SYNE2: variants seen among roughly 807,000 people sequenced by gnomAD.
The protein encoded by SYNE2 is spectrin repeat containing nuclear envelope protein 2, also known as nesprin-2.
A neutral mutation model predicts 856.3 loss-of-function variants in SYNE2; 431 were observed. That is an observed-to-expected ratio of 0.50 (90% CI 0.47 to 0.55). The LOEUF (loss-of-function observed/expected upper bound fraction) is 0.55, where lower values mean the gene tolerates loss of function less well. Ranked by LOEUF, SYNE2 falls within the 20% of genes least tolerant of loss-of-function variation. The probability of loss-of-function intolerance (pLI) is 0.00; values close to 1 mark genes in which losing one functional copy is unlikely to be tolerated. For missense variants in SYNE2, 8,129 were observed against 8,023.2 expected, an observed-to-expected ratio of 1.01 and a Z score of -0.50; for synonymous variants, 2,923 against 2,872.3, an observed-to-expected ratio of 1.02 and a Z score of -0.56.
chr14:64,082,943 G>A (rs1036907554), intron 57 of SYNE2, among the ~76,000 whole-genome samples: 1 of 152,088 alleles, frequency 6.6e-6, no homozygotes. Flanking sequence ...AACATCTTCC[G>A]GATGCTGAGT....
chr14:64,137,954 G>C lies in SYNE2; in HGVS notation c.14814G>C (p.Arg4938Ser), dbSNP rs142312037. The part of the protein sequence containing the change: ...LNKKIDHELH[R>S]LQALLKHLLS... The stretch of plus-strand genomic sequence containing the variant: ...AGAAAATTGACCATGAGCTCCACAG[G>C]CTGCAAGCTCTTCTCAAGCATCTGC... The change falls in exon 79 of 116, where the codon AGG becomes AGC. Residue 4938 changes from arginine (R) to serine (S), a missense_variant. Physicochemically the swap from Arg to Ser is moderately radical, Grantham distance 110. Coordinates refer to ENST00000555002, the MANE Select transcript of SYNE2 (RefSeq NM_182914.3). 1.2e-6 allele frequency: 2 copies of C among 1,614,038 alleles called. No individual in the cohort carries two copies. The highest frequency in any genetic ancestry group is 2.7e-5 in the African/African-American group (2 of 75,042).
intron 11 of SYNE2, among the ~76,000 whole-genome samples, chr14:63,973,460 C>T (rs969023964): frequency 6.6e-6 from 1 of 150,724 alleles, no homozygotes; most frequent in Admixed American, 6.6e-5. Flanking sequence ...GGTGAAACCT[C>T]GTCTCTACTA....
chr14:63,959,912 T>TA, intron 8 of SYNE2, among the ~76,000 whole-genome samples: 1 of 152,162 alleles, frequency 6.6e-6, no homozygotes, highest in Non-Finnish European at 1.5e-5. Flanking sequence ...GACACTATAG[T>TA]AAAAACAAAT....
At chr14:64,068,915 C>G (rs2097380002) in intron 51 of SYNE2, among the ~76,000 whole-genome samples, 1 of 150,812 alleles carries the variant, frequency 6.6e-6, no homozygotes, top group African/African-American at 2.4e-5. Flanking sequence ...ATTCCCCCTT[C>G]TCAATCACTT....
chr14:64,099,008 T>G, intron 63 of SYNE2, 187 bp downstream of exon 63: 1 of 621,540 alleles, frequency 1.6e-6, no homozygotes, highest in Non-Finnish European at 2.9e-6. Context: ...CTTCACTGTG[T>G]AAGAGTGAGA....
At position 63,954,845 on chromosome 14, in the gene SYNE2, A is replaced by T. The variant is rs746684931; in HGVS notation, c.717A>T (p.Lys239Asn). ...DMKSVKHRSN[K>N]DNLREAFRIA... ...AGAGTGTGAAGCATAGATCCAACAA[A>T]GACAATCTGAGAGAGGCCTTCAGAA... Residue 239 changes from lysine to asparagine, a missense_variant, in exon 8 of 116, where the codon AAA becomes AAT. Physicochemically the swap from Lys to Asn is moderately conservative, Grantham distance 94. Coordinates refer to ENST00000555002, the MANE Select transcript of SYNE2 (RefSeq NM_182914.3). 6.2e-7 allele frequency: 1 copy of T among 1,614,066 alleles called. No individual in the cohort carries two copies. The highest frequency in any genetic ancestry group is 1.1e-5 in the South Asian group (1 of 91,086).
chr14:63,824,468 A>G (rs1221780301), intron 1 of SYNE2, among the ~76,000 whole-genome samples: 1 of 151,918 alleles, frequency 6.6e-6, no homozygotes, highest in Non-Finnish European at 1.5e-5. Flanking sequence ...GCAAAACCCT[A>G]TCTCTATTAA....
chr14:64,130,925 G>A (rs2098013038), intron 76 of SYNE2, among the ~76,000 whole-genome samples: 1 of 150,352 alleles, frequency 6.7e-6, no homozygotes, highest in Non-Finnish European at 1.5e-5. Context: ...CTGAGAACTA[G>A]AATCAAAAGG....
intron 98 of SYNE2, chr14:64,189,000 G>A: frequency 1.4e-6 from 1 of 702,322 alleles, no homozygotes; most frequent in South Asian, 1.5e-5. Flanking sequence ...CATGTCAGCT[G>A]ATACCCCAAG....
chr14:64,139,358 T>C (rs898101179), intron 79 of SYNE2, among the ~76,000 whole-genome samples: 2 of 142,726 alleles, frequency 1.4e-5, no homozygotes. Context: ...GGGTATACTT[T>C]TGTGTAGCTG....
Position 64,090,888 on chromosome 14 carries a change from C to T in SYNE2, c.11816C>T (p.Pro3939Leu). 2.5e-6 allele frequency: 4 copies of T among 1,613,992 alleles called. No individual in the cohort carries two copies. Among genetic ancestry groups the T allele is most frequent in the African/African-American group, 1.3e-5 (1 of 75,006 alleles). ...AAGGTCATACTTGAAAATATACGTCCCATGAAGAAAACCATTGCTGAGATA... is the reference window on the plus strand; with the variant it reads ...AAGGTCATACTTGAAAATATACGTCTCATGAAGAAAACCATTGCTGAGATA... ...HGEVILENIRPMKKTIAEIVS... is the reference protein window; with the variant it reads ...HGEVILENIRLMKKTIAEIVS... The change falls in exon 60 of 116, where the codon CCC becomes CTC. Residue 3939 changes from proline (P) to leucine (L), a missense_variant. Coordinates refer to ENST00000555002, the MANE Select transcript of SYNE2 (RefSeq NM_182914.3).
intron 22 of SYNE2, among the ~76,000 whole-genome samples, 191 bp downstream of exon 22, chr14:63,994,160 C>G (rs1423616501): frequency 1.3e-5 from 2 of 152,004 alleles, no homozygotes; most frequent in Admixed American, 1.3e-4. Flanking sequence ...GGCAGACAAA[C>G]CTGGATTCAG....
chr14:63,937,053 T>G (rs551945466), intron 2 of SYNE2, among the ~76,000 whole-genome samples: 1 of 152,196 alleles, frequency 6.6e-6, no homozygotes, highest in African/African-American at 2.4e-5. Context: ...TATCAGATGC[T>G]GCTGATGGGT....
chr14:64,168,932 A>T lies in SYNE2; in HGVS notation c.16961A>T (p.Gln5654Leu), dbSNP rs886042450. The change falls in exon 93 of 116, where the codon CAG (glutamine) becomes CTG (leucine). Residue 5654 changes from glutamine (Q) to leucine (L), a missense_variant. Gln to Leu is a moderately radical substitution (Grantham distance 113). This residue lies in a region of SYNE2 where 5,410 missense variants were observed against 5,284.8 expected (regional missense o/e 1.02). Coordinates refer to ENST00000555002, the MANE Select transcript of SYNE2 (RefSeq NM_182914.3). Reference protein sequence around the residue: ...NQTIADSYVTQSLQLLDTTEI... With the variant: ...NQTIADSYVTLSLQLLDTTEI... ...ACAATTGCTGATTCCTATGTCACCC[A>T]GTCCTTACAACTCCTGGACACAACA... 1 of 1,614,130 alleles carries T rather than the reference A, an allele frequency of 6.2e-7. No individual in the cohort carries two copies.
chr14:64,021,296 A>C lies in SYNE2; in HGVS notation c.5152-19A>C. On this transcript the variant is annotated intron_variant, in intron 35 of 115. Transcript: ENST00000555002. ...TAAATAATGACTGTTATACAACTTC[A>C]TATATTTCATGATTTCAGGTCATGG... 1.3e-6 allele frequency: 2 copies of C among 1,594,100 alleles called. No homozygotes were observed. Among genetic ancestry groups the C allele is most frequent in the Non-Finnish European group, 1.7e-6 (2 of 1,161,800 alleles).
At chr14:63,884,308 A>G (rs2094931885) in intron 1 of SYNE2, among the ~76,000 whole-genome samples, 1 of 152,200 alleles carries the variant, frequency 6.6e-6, no homozygotes, top group Non-Finnish European at 1.5e-5. Context: ...GAAGACAGAA[A>G]AACTAAGAAA....
chr14:63,986,675 TTAAA>T (rs1432135234), intron 19 of SYNE2, 58 bp downstream of exon 19: 8 of 1,578,586 alleles, frequency 5.1e-6, no homozygotes, highest in Non-Finnish European at 6.1e-6. Context: ...ATGTTTTAAG[TTAAA>T]TAAGAAGTTT....
At chr14:63,889,283 TTC>T (rs1441079923) in intron 1 of SYNE2, among the ~76,000 whole-genome samples, 2 of 152,000 alleles carry the variant, frequency 1.3e-5, no homozygotes, top group Non-Finnish European at 2.9e-5. Context: ...CAGTTCGACT[TTC>T]TGTCCTTACA....
chr14:63,826,641 A>G (rs1889442345), intron 1 of SYNE2, among the ~76,000 whole-genome samples: 1 of 152,116 alleles, frequency 6.6e-6, no homozygotes, highest in Non-Finnish European at 1.5e-5. Context: ...ACAACATGAT[A>G]TCCACATGCG....
Sources: gnomAD v4.1 joint callset for allele counts (sites outside exome capture counted in the v4.1 genomes callset) on GRCh38, gnomAD v4.1.1 for gene constraint, gnomAD v4.1.1 regional missense constraint, MANE v1.5 for transcripts, NCBI Gene and HGNC (gene_info 2026-07-23, HGNC 2026-07-21) for gene names.